Variants in EPCAM observed in about 807,000 individuals in gnomAD.
EPCAM encodes the protein adenocarcinoma-associated antigen.
In EPCAM, 39 loss-of-function variants were observed where a neutral mutation model predicts 40.0. The observed-to-expected ratio is 0.98, with a 90% CI of 0.76 to 1.27. The LOEUF (loss-of-function observed/expected upper bound fraction) is 1.27, where lower values mean the gene tolerates loss of function less well. EPCAM is among the 50% of genes most tolerant of loss of function. The pLI is 0.00. For synonymous variants in EPCAM, 168 were observed against 132.3 expected, an observed-to-expected ratio of 1.27 and a Z score of -1.85; for missense variants, 503 against 381.2, an observed-to-expected ratio of 1.32 and a Z score of -2.66.
intron 4 of EPCAM, 46 bp downstream of exon 4, chr2:47,375,345 A>C: frequency 2.5e-6 from 3 of 1,216,142 alleles, no homozygotes; most frequent in Non-Finnish European, 3.7e-6. Context: ...TTGGTGGCTC[A>C]AATCTTCCAT....
chr2:47,371,129 A>G (rs1671252222), intron 1 of EPCAM, among the ~76,000 whole-genome samples: 1 of 150,808 alleles, frequency 6.6e-6, no homozygotes, highest in African/African-American at 2.4e-5. Flanking sequence ...ACAGGCGTGC[A>G]TCACCACACC....
chr2:47,385,195 G>C lies in EPCAM; in HGVS notation c.888G>C (p.Lys296Asn). 6.2e-7 allele frequency: 1 copy of C among 1,613,118 alleles called. No individual in the cohort carries two copies. Among genetic ancestry groups the C allele is most frequent in the Non-Finnish European group, 8.5e-7 (1 of 1,179,224 alleles). ...LVISRKKRMA[K>N]YEKAEIKEMG... ...TTTCCAGAAAGAAGAGAATGGCAAA[G>C]TATGAGAAGGCTGAGGTAAATGGAT... is the stretch of plus-strand genomic sequence containing the variant. The change falls in exon 8 of 9, where the codon AAG becomes AAC. Residue 296 changes from lysine (K) to asparagine (N), a missense_variant. Coordinates refer to ENST00000263735, the MANE Select transcript of EPCAM (RefSeq NM_002354.3).
Position 47,386,636 on chromosome 2 carries a change from A to G in EPCAM, c.*23A>G, listed in dbSNP as rs1343404934. The G allele has an allele frequency of 7.7e-6, 12 of 1,566,548 alleles. No homozygotes were observed. The Admixed American group carries it at 1.7e-4, about 22-fold the overall frequency. ...TAACTATATAATTTGAAGATTATAG[A>G]AGAAGGGAAATAGCAAATGGACACA... On this transcript the variant is annotated 3_prime_UTR_variant, in exon 9 of 9. Transcript: ENST00000263735.
chr2:47,370,952 A>G (rs1381108326), intron 1 of EPCAM, among the ~76,000 whole-genome samples: 3 of 151,976 alleles, frequency 2.0e-5, no homozygotes, highest in Non-Finnish European at 2.9e-5. Flanking sequence ...ACCTCAGGTG[A>G]TCCACCGACC....
At chr2:47,386,517 A>G in intron 8 of EPCAM, 55 bp from the exon 9 acceptor site, 1 of 1,349,570 alleles carries the variant, frequency 7.4e-7, no homozygotes, top group South Asian at 1.3e-5. Flanking sequence ...TTTCAGAATG[A>G]ACAAAAGATT....
Position 47,369,420 on chromosome 2 carries a change from C to T in EPCAM, c.-86C>T, listed in dbSNP as rs973230051. On this transcript the variant is annotated 5_prime_UTR_variant, in exon 1 of 9. Transcript: ENST00000263735. ...GTGCCCCAGGCCTCGCGCTGCCCGG[C>T]CGGCTCCTCGTGTCCCACTCCCGGC... 7.0e-6 allele frequency: 9 copies of T among 1,279,778 alleles called. No homozygotes were observed. In the South Asian group the frequency reaches 1.1e-4, roughly 16 times the overall value. The allele number at this position is 1,279,778 out of a possible 1,614,324, so 79.3% of individuals were successfully genotyped here. A position where few individuals can be genotyped will look rare whatever the true frequency, so the allele number is the denominator to read the frequency against.
At chr2:47,370,111 C>A (rs547065681) in intron 1 of EPCAM, among the ~76,000 whole-genome samples, 4 of 152,356 alleles carry the variant, frequency 2.6e-5, no homozygotes, top group Non-Finnish European at 5.9e-5. Flanking sequence ...CCGGACCACA[C>A]AGGGCGTGTG....
At chr2:47,384,371 T>TA (rs1671679326) in intron 7 of EPCAM, among the ~76,000 whole-genome samples, 1 of 150,592 alleles carries the variant, frequency 6.6e-6, no homozygotes, top group African/African-American at 2.4e-5. Context: ...CTGAAAGTGG[T>TA]AAGATTACAG....
At position 47,369,556 on chromosome 2, in the gene EPCAM, G is replaced by T. The variant is rs769754089; in HGVS notation, c.51G>T (p.Thr17=). Residue 17 remains threonine, a synonymous_variant, in exon 1 of 9, where the codon ACG becomes ACT. Coordinates refer to ENST00000263735, the MANE Select transcript of EPCAM (RefSeq NM_002354.3). The part of the protein sequence containing the change: ...LAFGLLLAAA[T]ATFAAAQEEC... Reference sequence around the variant, plus strand: ...TCGGGCTTCTGCTTGCCGCGGCGACGGCGACTTTTGCCGCAGCTCAGGAAG... The same window carrying T: ...TCGGGCTTCTGCTTGCCGCGGCGACTGCGACTTTTGCCGCAGCTCAGGAAG... The T allele has an allele frequency of 6.3e-7, 1 of 1,588,352 alleles. No individual in the cohort carries two copies. The highest frequency in any genetic ancestry group is 1.8e-5 in the Admixed American group (1 of 55,970).
At chr2:47,373,411 T>G in intron 1 of EPCAM, 52 bp from the exon 2 acceptor site, 23 of 1,101,474 alleles carry the variant, frequency 2.1e-5, no homozygotes, top group African/African-American at 3.1e-5. Flanking sequence ...AGCTGGGACA[T>G]GAGAGTTAAT....
Position 47,369,729 on chromosome 2 carries a change from C to T in EPCAM, c.76+148C>T, listed in dbSNP as rs538922283. On this transcript the variant is annotated intron_variant, in intron 1 of 8. Transcript: ENST00000263735. The stretch of plus-strand genomic sequence containing the variant: ...GGAGACCGGACGGTGCGGCCGTGCT[C>T]CGGCTCAGGCCCTCCGCGCGGTAGG... The T allele has an allele frequency of 3.3e-5, 28 of 852,100 alleles. No individual in the cohort carries two copies. The highest frequency in any genetic ancestry group is 1.8e-4 in the Admixed American group (9 of 49,936). The allele number at this position is 852,100 out of a possible 1,614,324, so 52.8% of individuals were successfully genotyped here. A position where few individuals can be genotyped will look rare whatever the true frequency, so the allele number is the denominator to read the frequency against.
In EPCAM at chr2:47,369,542, C is replaced by A. The variant is rs1249838837; in HGVS notation, c.37C>A (p.Leu13Ile). 6.3e-7 allele frequency: 1 copy of A among 1,584,668 alleles called. No individual in the cohort carries two copies. Among genetic ancestry groups the A allele is most frequent in the Non-Finnish European group, 8.5e-7 (1 of 1,169,884 alleles). Residue 13 changes from leucine (L) to isoleucine (I), a missense_variant, in exon 1 of 9, where the codon CTT (leucine) becomes ATT (isoleucine). By Grantham distance (5) the Leu-to-Ile change is conservative. Coordinates refer to ENST00000263735, the MANE Select transcript of EPCAM (RefSeq NM_002354.3). ...GCAGGTCCTCGCGTTCGGGCTTCTGCTTGCCGCGGCGACGGCGACTTTTGC... is the reference window on the plus strand; with the variant it reads ...GCAGGTCCTCGCGTTCGGGCTTCTGATTGCCGCGGCGACGGCGACTTTTGC... ...PPQVLAFGLL[L>I]AAATATFAAA...
intron 1 of EPCAM, chr2:47,369,829 C>T: frequency 1.6e-6 from 1 of 633,142 alleles, no homozygotes; most frequent in African/African-American, 1.8e-5. Context: ...TGGCCTTGGG[C>T]GGAGGCGGGG....
At chr2:47,381,359 T>TCCAG (rs1425906996) in intron 7 of EPCAM, among the ~76,000 whole-genome samples, 1 of 124,512 alleles carries the variant, frequency 8.0e-6, no homozygotes, top group Non-Finnish European at 1.6e-5. Context: ...GCCATTGCAC[T>TCCAG]CCAGCCTGAG....
At chr2:47,374,180 TCTC>T in intron 3 of EPCAM, 132 bp downstream of exon 3, 1 of 1,098,070 alleles carries the variant, frequency 9.1e-7, no homozygotes, top group Non-Finnish European at 1.3e-6. Context: ...AAAGCTTCCT[TCTC>T]ATTCCAGTCC....
At chr2:47,375,809 G>T (rs1460778687) in intron 4 of EPCAM, among the ~76,000 whole-genome samples, 1 of 151,580 alleles carries the variant, frequency 6.6e-6, no homozygotes, top group South Asian at 2.1e-4. Flanking sequence ...GGTTTCAAGC[G>T]ATTCTCCTGC....
chr2:47,383,632 T>C (rs1671658211), intron 7 of EPCAM, among the ~76,000 whole-genome samples: 3 of 90,856 alleles, frequency 3.3e-5, no homozygotes, highest in East Asian at 3.6e-4. Context: ...TTTTTTTTTT[T>C]TTTTTTTTTT....
chr2:47,375,528 A>C (rs917208867), intron 4 of EPCAM, among the ~76,000 whole-genome samples: 7 of 152,162 alleles, frequency 4.6e-5, no homozygotes, highest in Non-Finnish European at 8.8e-5. Flanking sequence ...GTGGATGAAT[A>C]TGTGTGTGTG....
chr2:47,370,809 C>T (rs958396887), intron 1 of EPCAM, among the ~76,000 whole-genome samples: 4 of 151,806 alleles, frequency 2.6e-5, no homozygotes, highest in African/African-American at 7.3e-5. Context: ...CATCTCACTG[C>T]AATTCAGGCG....
Sources: allele counts gnomAD v4.1 joint callset (sites outside exome capture counted in the v4.1 genomes callset), GRCh38; gene constraint gnomAD v4.1.1; transcripts MANE v1.5; gene names NCBI Gene and HGNC (gene_info 2026-07-23, HGNC 2026-07-21).